The following MYRIP variants were observed in gnomAD, a reference collection of about 807,000 sequenced individuals.
The protein encoded by MYRIP is myosin VIIA and Rab interacting protein, also known as rab effector MyRIP.
A neutral mutation model predicts 98.0 loss-of-function variants in MYRIP; 49 were observed. That is an observed-to-expected ratio of 0.50 (90% confidence interval 0.40 to 0.63). MYRIP has a LOEUF of 0.63. MYRIP is among the 30% of genes least tolerant of loss of function. The pLI, the probability that MYRIP is intolerant of heterozygous loss-of-function variation, is 0.00. For synonymous variants in MYRIP, 404 were observed against 409.5 expected (o/e 0.99, Z 0.16); for missense variants, 1,004 against 1,058.2 (o/e 0.95, Z 0.71).
chr3:40,142,282 A>T (rs950937943), intron 3 of MYRIP, among the ~76,000 whole-genome samples: 3 of 151,564 alleles, frequency 2.0e-5, no homozygotes, highest in African/African-American at 7.3e-5. Context: ...CGAACTCCCG[A>T]CCTCAAGTGA....
chr3:40,249,455 T>C (rs1425815134), intron 13 of MYRIP, among the ~76,000 whole-genome samples: 1 of 152,232 alleles, frequency 6.6e-6, no homozygotes, highest in East Asian at 1.9e-4. Flanking sequence ...TTTCCTTATC[T>C]GTGAAACCAA....
intron 8 of MYRIP, among the ~76,000 whole-genome samples, chr3:40,177,480 C>T (rs944523855): frequency 6.6e-6 from 1 of 152,204 alleles, no homozygotes; most frequent in African/African-American, 2.4e-5. Context: ...CATGCAGAAT[C>T]CCCAATCCCC....
chr3:40,121,008 A>G (rs1271526457), intron 3 of MYRIP, among the ~76,000 whole-genome samples: 1 of 152,110 alleles, frequency 6.6e-6, no homozygotes, highest in Non-Finnish European at 1.5e-5. Flanking sequence ...GGAATGAATC[A>G]AGCATGAGGG....
chr3:40,180,295 T>C lies in MYRIP; in HGVS notation c.874-1925T>C, dbSNP rs374748699. On this transcript the variant is annotated intron_variant, in intron 8 of 16. Transcript: ENST00000302541. ...AAATTGGAAAAAAAAAATTAGGCAC[T>C]TTGAAAAACTCATTTTGTAACCATT... 4.6e-5 allele frequency among the ~76,000 whole-genome samples: 7 copies of C among 152,360 alleles called. 1 individual carries two copies. The highest frequency in any genetic ancestry group is 1.7e-4 in the African/African-American group (7 of 41,592).
In MYRIP at chr3:40,250,485, C is replaced by T. The variant is rs1953341136; in HGVS notation, c.2414C>T (p.Ala805Val). ...TSRQQRRKLP[A>V]PPVKAEKIET... ...AGGCAGCAAAGGAGGAAACTGCCTG[C>T]TCCACCGGTGAAAGGTATGCTAAAT... Residue 805 changes from alanine (A) to valine (V), a missense_variant, in exon 15 of 17, where the codon GCT becomes GTT. This residue lies in a region of MYRIP where 108 missense variants were observed against 111.1 expected (regional missense o/e 0.97). Coordinates refer to ENST00000302541, the MANE Select transcript of MYRIP (RefSeq NM_015460.4). 1 of 1,614,202 alleles carries T rather than the reference C, an allele frequency of 6.2e-7. No homozygotes were observed. Among genetic ancestry groups the T allele is most frequent in the East Asian group, 2.2e-5 (1 of 44,886 alleles).
chr3:40,111,733 G>T (rs1949161818), intron 3 of MYRIP, among the ~76,000 whole-genome samples: 2 of 151,820 alleles, frequency 1.3e-5, no homozygotes, highest in Admixed American at 6.6e-5. Flanking sequence ...GATCCCTGTA[G>T]ATTTCATATA....
chr3:40,038,893 A>T (rs953865657), intron 2 of MYRIP, among the ~76,000 whole-genome samples: 1 of 152,000 alleles, frequency 6.6e-6, no homozygotes, highest in Non-Finnish European at 1.5e-5. Flanking sequence ...GCTTTGGATA[A>T]TTTTCCTCTA....
chr3:40,043,064 A>T (rs1431328541), intron 2 of MYRIP, among the ~76,000 whole-genome samples: 1 of 152,180 alleles, frequency 6.6e-6, no homozygotes, highest in Admixed American at 6.5e-5. Flanking sequence ...TAATGAATCC[A>T]TGTAGTTTCT....
At chr3:40,059,245 G>A (rs1027510791) in intron 3 of MYRIP, among the ~76,000 whole-genome samples, 1 of 152,040 alleles carries the variant, frequency 6.6e-6, no homozygotes, top group African/African-American at 2.4e-5. Flanking sequence ...ATAAACTTAC[G>A]TTTGCATGTG....
intron 1 of MYRIP, among the ~76,000 whole-genome samples, chr3:39,854,683 C>G (rs1203771320): frequency 1.3e-5 from 2 of 152,124 alleles, no homozygotes; most frequent in African/African-American, 2.4e-5. Flanking sequence ...TGCTTGGGAG[C>G]TGGTGTGATC....
chr3:40,051,688 G>A (rs1298443251), intron 3 of MYRIP, among the ~76,000 whole-genome samples: 1 of 152,106 alleles, frequency 6.6e-6, no homozygotes, highest in Non-Finnish European at 1.5e-5. Context: ...TCTTGGAACT[G>A]AAATCAAAAC....
intron 2 of MYRIP, among the ~76,000 whole-genome samples, chr3:40,030,491 A>C (rs1947234607): frequency 1.3e-5 from 2 of 152,178 alleles, no homozygotes; most frequent in South Asian, 4.1e-4. Flanking sequence ...CTACTCCTAT[A>C]ATTAAAAATA....
chr3:39,970,183 C>T (rs1402751717), intron 2 of MYRIP: 1 of 152,016 alleles, frequency 6.6e-6, no homozygotes, highest in Non-Finnish European at 1.5e-5. Flanking sequence ...ACAATTATTG[C>T]TGATTGAAAA....
At chr3:40,160,690 C>T (rs951210197) in intron 4 of MYRIP, among the ~76,000 whole-genome samples, 6 of 152,240 alleles carry the variant, frequency 3.9e-5, no homozygotes, top group Admixed American at 6.5e-5. Flanking sequence ...GGGATATAAT[C>T]TCCTAGTGCG....
intron 1 of MYRIP, among the ~76,000 whole-genome samples, chr3:39,865,619 A>G (rs575165607): frequency 1.2e-4 from 19 of 152,340 alleles, no homozygotes; most frequent in Non-Finnish European, 2.5e-4. Context: ...TCAAAACTGC[A>G]ATGAGATACC....
intron 8 of MYRIP, among the ~76,000 whole-genome samples, chr3:40,175,557 C>A (rs554937074): frequency 3.8e-4 from 58 of 152,358 alleles, no homozygotes; most frequent in Admixed American, 9.1e-4. Context: ...ATGTCTTGCC[C>A]CCCGATGGCA....
chr3:39,813,642 G>A (rs1054205781), intron 1 of MYRIP, among the ~76,000 whole-genome samples: 3 of 152,200 alleles, frequency 2.0e-5, no homozygotes, highest in African/African-American at 4.8e-5. Context: ...TGCAGTGGCC[G>A]GAGGTGGAGG....
intron 2 of MYRIP, among the ~76,000 whole-genome samples, chr3:40,036,324 A>AAAAAAAAAAAAAAAAAAC (rs1553607293): frequency 8.0e-6 from 1 of 125,628 alleles, no homozygotes; most frequent in African/African-American, 2.9e-5. Flanking sequence ...AAAAAAAAAA[A>AAAAAAAAAAAAAAAAAAC]CTTTATTCAA....
At chr3:39,944,217 C>A (rs1944850515) in intron 2 of MYRIP, among the ~76,000 whole-genome samples, 1 of 152,106 alleles carries the variant, frequency 6.6e-6, no homozygotes, top group South Asian at 2.1e-4. Context: ...GCAATTTCAT[C>A]CCCAGGAATT....
Sources: gnomAD v4.1 joint callset for allele counts (sites outside exome capture counted in the v4.1 genomes callset) on GRCh38, gnomAD v4.1.1 for gene constraint, gnomAD v4.1.1 regional missense constraint, MANE v1.5 for transcripts, NCBI Gene and HGNC (gene_info 2026-07-23, HGNC 2026-07-21) for gene names.